The following TMEM131 variants were observed in gnomAD, a reference collection of about 807,000 sequenced individuals.
TMEM131 encodes the protein transmembrane protein 131, also known as 2610524E03Rik.
In TMEM131, 66 loss-of-function variants were observed where a neutral mutation model predicts 211.6. The observed-to-expected ratio is 0.31, with a 90% CI of 0.26 to 0.38. The LOEUF is 0.38. TMEM131 is among the 10% of genes least tolerant of loss of function. The pLI is 1.00. For synonymous variants in TMEM131, 844 were observed against 841.3 expected, an observed-to-expected ratio of 1.00 and a Z score of -0.06; for missense variants, 2,036 against 2,299.3, an observed-to-expected ratio of 0.89 and a Z score of 2.34.
intron 1 of TMEM131, among the ~76,000 whole-genome samples, chr2:97,934,206 AC>A (rs1217226617): frequency 1.3e-5 from 2 of 152,214 alleles, no homozygotes; most frequent in African/African-American, 4.8e-5. Flanking sequence ...AAAATCCAGT[AC>A]ATTTCTATAT....
intron 1 of TMEM131, among the ~76,000 whole-genome samples, chr2:97,950,299 C>A (rs770146790): frequency 6.6e-6 from 1 of 152,172 alleles, no homozygotes; most frequent in Admixed American, 6.5e-5. Context: ...CAAATACATA[C>A]ATATATAAAG....
At chr2:97,761,080 A>C in intron 36 of TMEM131, 166 bp from the exon 37 acceptor site, 1 of 810,194 alleles carries the variant, frequency 1.2e-6, no homozygotes, top group Non-Finnish European at 1.9e-6. Context: ...CAGACTGCTT[A>C]ATCAGACAGA....
chr2:97,956,013 CTAAAA>C (rs1678550622), intron 1 of TMEM131, among the ~76,000 whole-genome samples: 1 of 152,082 alleles, frequency 6.6e-6, no homozygotes, highest in Non-Finnish European at 1.5e-5. Flanking sequence ...GGTACACACC[CTAAAA>C]TAGTCAAAAC....
chr2:97,936,070 C>T (rs1451386949), intron 1 of TMEM131, among the ~76,000 whole-genome samples: 1 of 152,070 alleles, frequency 6.6e-6, no homozygotes, highest in African/African-American at 2.4e-5. Context: ...CCAGTGAGGC[C>T]CCACCTGGAA....
intron 3 of TMEM131, among the ~76,000 whole-genome samples, chr2:97,897,808 T>C (rs1187540428): frequency 6.6e-6 from 1 of 152,174 alleles, no homozygotes; most frequent in African/African-American, 2.4e-5. Context: ...TCACTAGGTG[T>C]CTGATCGAAT....
chr2:97,959,064 C>A (rs1292514261), intron 1 of TMEM131, among the ~76,000 whole-genome samples: 1 of 152,052 alleles, frequency 6.6e-6, no homozygotes, highest in African/African-American at 2.4e-5. Context: ...CCAGAGTTGG[C>A]CAATTGGAAG....
intron 3 of TMEM131, among the ~76,000 whole-genome samples, chr2:97,892,202 T>C (rs1675404004): frequency 1.3e-5 from 2 of 152,170 alleles, no homozygotes; most frequent in Admixed American, 1.3e-4. Context: ...CTGTGGAAAG[T>C]TTTTTAACTG....
chr2:97,897,595 C>A (rs981290652), intron 3 of TMEM131, among the ~76,000 whole-genome samples: 1 of 151,998 alleles, frequency 6.6e-6, no homozygotes, highest in African/African-American at 2.4e-5. Flanking sequence ...TAGGATAAAA[C>A]CCTGTTGGCC....
chr2:97,905,112 T>C (rs1471034070), intron 3 of TMEM131, among the ~76,000 whole-genome samples: 2 of 152,190 alleles, frequency 1.3e-5, no homozygotes, highest in Non-Finnish European at 2.9e-5. Flanking sequence ...CTCAAATGGT[T>C]AACTACCTTT....
At chr2:97,886,660 C>A (rs142555036) in intron 4 of TMEM131, among the ~76,000 whole-genome samples, 139 of 152,152 alleles carry the variant, frequency 9.1e-4, no homozygotes, top group Middle Eastern at 6.8e-3. Context: ...ATGTGTGCAT[C>A]CACACAGTGG....
chr2:97,757,441 T>G (rs1678556199), intron 40 of TMEM131, 58 bp from the exon 41 acceptor site: 1 of 1,516,400 alleles, frequency 6.6e-7, no homozygotes. Context: ...GTCAAGTGGG[T>G]AAGGGGGTAA....
At chr2:97,932,145 A>G (rs1436092540) in intron 1 of TMEM131, among the ~76,000 whole-genome samples, 5 of 150,988 alleles carry the variant, frequency 3.3e-5, no homozygotes, top group African/African-American at 4.8e-5. Flanking sequence ...CTGTCTTAAA[A>G]AAAAAAAAAA....
chr2:97,801,074 G>A (rs1681013749), intron 25 of TMEM131, among the ~76,000 whole-genome samples: 1 of 152,204 alleles, frequency 6.6e-6, no homozygotes, highest in African/African-American at 2.4e-5. Context: ...TTAAAACATG[G>A]AGCTATGGGA....
rs1221515381 is a variant in TMEM131, at chr2:97,792,551, C to T, written c.3979G>A (p.Ala1327Thr). 12 of 1,612,810 alleles carry T rather than the reference C, an allele frequency of 7.4e-6. No homozygotes were observed. Among genetic ancestry groups the T allele is most frequent in the South Asian group, 2.2e-5 (2 of 90,922 alleles). Residue 1327 changes from alanine (A) to threonine (T), a missense_variant, in exon 31 of 41, where the codon GCA (alanine) becomes ACA (threonine). Ala to Thr is a moderately conservative substitution (Grantham distance 58). This residue lies in a region of TMEM131 where 1,623 missense variants were observed against 1,805.9 expected (regional missense o/e 0.90). Coordinates refer to ENST00000186436, the MANE Select transcript of TMEM131 (RefSeq NM_015348.2). ...GCACGTTCTGGGTGGGAAGGGTGTG[C>T]GAGGGGGGCGGGAGACAGCCTTTCA... ...QPERLSPAPL[A>T]HPSHPERASS...
At chr2:97,951,172 A>T (rs1678292566) in intron 1 of TMEM131, among the ~76,000 whole-genome samples, 2 of 152,194 alleles carry the variant, frequency 1.3e-5, no homozygotes, top group South Asian at 4.1e-4. Context: ...GAAAATAAGG[A>T]TTTAAGGAAG....
At chr2:97,880,276 T>A (rs1674872398) in intron 4 of TMEM131, among the ~76,000 whole-genome samples, 1 of 152,180 alleles carries the variant, frequency 6.6e-6, no homozygotes, top group African/African-American at 2.4e-5. Context: ...GCAGGTTTTA[T>A]AATGAATTTA....
At chr2:97,980,041 A>G (rs186745160) in intron 1 of TMEM131, among the ~76,000 whole-genome samples, 83 of 152,308 alleles carry the variant, frequency 5.4e-4, no homozygotes, top group African/African-American at 1.9e-3. Flanking sequence ...AGGAGGGGCG[A>G]GAAGTGGGGG....
chr2:97,893,310 G>C (rs1675463969), intron 3 of TMEM131, among the ~76,000 whole-genome samples: 1 of 152,080 alleles, frequency 6.6e-6, no homozygotes, highest in Non-Finnish European at 1.5e-5. Context: ...ATTTGGGTTG[G>C]TTCCAAGTCT....
chr2:97,802,423 C>T lies in TMEM131; in HGVS notation c.2651+5G>A. 1.3e-6 allele frequency: 2 copies of T among 1,584,586 alleles called. No individual in the cohort carries two copies. The highest frequency in any genetic ancestry group is 1.7e-6 in the Non-Finnish European group (2 of 1,162,378). Reference sequence around the variant, plus strand: ...AACACTGTGATGATCCCAAGCAATACTTACCTTGATACTAACTTATCTACA... The same window carrying T: ...AACACTGTGATGATCCCAAGCAATATTTACCTTGATACTAACTTATCTACA... On this transcript the variant is annotated splice_donor_5th_base_variant and intron_variant, in intron 24 of 40. Transcript: ENST00000186436.
Sources: allele counts gnomAD v4.1 joint callset (sites outside exome capture counted in the v4.1 genomes callset), GRCh38; gene constraint gnomAD v4.1.1; regional missense constraint gnomAD v4.1.1; transcripts MANE v1.5; gene names NCBI Gene and HGNC (gene_info 2026-07-23, HGNC 2026-07-21).